The following MDGA2 variants were observed in gnomAD, a reference collection of about 807,000 sequenced individuals.
MDGA2 encodes MAM domain containing glycosylphosphatidylinositol anchor 2, also known as MAM domain-containing glycosylphosphatidylinositol anchor protein 2.
In MDGA2, 40 loss-of-function variants were observed where a neutral mutation model predicts 117.8. That is an observed-to-expected ratio of 0.34 (90% CI 0.26 to 0.44). MDGA2 has a LOEUF of 0.44. Among genes scored for constraint, MDGA2 ranks in the 20% least tolerant of loss-of-function variants. MDGA2 has a pLI of 1.00. For missense variants in MDGA2, 1,123 were observed against 1,250.6 expected (o/e 0.90, Z 1.54); for synonymous variants, 452 against 439.0 (o/e 1.03, Z -0.37).
rs559801735 is a variant in MDGA2, at chr14:47,397,778, T to C, written c.281-96228A>G. Among the ~76,000 whole-genome samples the C allele has an allele frequency of 9.2e-5, 14 of 152,266 alleles. No homozygotes were observed. The East Asian group carries it at 2.1e-3, about 23-fold the overall frequency. ...AGAGATACTTCAGAAAGAAATGCTA[T>C]ATAATTGTATTCTGGATACAAGGAG... On this transcript the variant is annotated intron_variant, in intron 1 of 16. Transcript: ENST00000399232.
chr14:47,176,889 C>G (rs1293770963), intron 3 of MDGA2, among the ~76,000 whole-genome samples: 1 of 152,094 alleles, frequency 6.6e-6, no homozygotes, highest in Non-Finnish European at 1.5e-5. Context: ...AGAAAATTTT[C>G]GCAACCTACT....
intron 5 of MDGA2, among the ~76,000 whole-genome samples, chr14:47,098,999 G>C (rs1880146431): frequency 6.6e-6 from 1 of 151,852 alleles, no homozygotes; most frequent in Admixed American, 6.6e-5. Flanking sequence ...ATACATTTTA[G>C]AACTACCTTC....
chr14:46,985,023 G>A (rs978797791), intron 8 of MDGA2, among the ~76,000 whole-genome samples: 1 of 151,904 alleles, frequency 6.6e-6, no homozygotes, highest in Non-Finnish European at 1.5e-5. Flanking sequence ...ATCTTCAGAA[G>A]AGAATTAGAC....
intron 2 of MDGA2, among the ~76,000 whole-genome samples, chr14:47,235,078 T>C (rs1886815215): frequency 2.0e-5 from 3 of 152,146 alleles, no homozygotes; most frequent in Admixed American, 2.0e-4. Context: ...CAAGCATCAC[T>C]TACAATATTG....
At chr14:47,197,263 T>C (rs1885320858) in intron 3 of MDGA2, among the ~76,000 whole-genome samples, 1 of 152,132 alleles carries the variant, frequency 6.6e-6, no homozygotes, top group South Asian at 2.1e-4. Context: ...TACCTGGAGG[T>C]GGAGCCCTTG....
rs949856828 is a variant in MDGA2 at position 47,438,533 on chromosome 14, G to A, written c.281-136983C>T. Among the ~76,000 whole-genome samples, 7 of 152,214 alleles carry A rather than the reference G, an allele frequency of 4.6e-5. 1 individual carries two copies. Among genetic ancestry groups the A allele is most frequent in the Non-Finnish European group, 7.4e-5 (5 of 68,012 alleles). ...CCTGATCAGGCTCTAAACAGCTCCC[G>A]TTTCTCATATGTGTAAACCAGTATA... On this transcript the variant is annotated intron_variant, in intron 1 of 16. Coordinates refer to ENST00000399232, the MANE Select transcript of MDGA2 (RefSeq NM_001113498.3).
intron 10 of MDGA2, among the ~76,000 whole-genome samples, chr14:46,905,104 A>G (rs1883438280): frequency 6.6e-6 from 1 of 152,188 alleles, no homozygotes; most frequent in South Asian, 2.1e-4. Context: ...TACCTAGATG[A>G]TTATCTTTTA....
At chr14:47,301,997 G>A (rs1450893929) in intron 1 of MDGA2, among the ~76,000 whole-genome samples, 2 of 152,162 alleles carry the variant, frequency 1.3e-5, no homozygotes, top group South Asian at 2.1e-4. Flanking sequence ...CATGTAGCGC[G>A]CAAGTTAATA....
At chr14:47,073,020 T>C (rs1338839826) in intron 6 of MDGA2, among the ~76,000 whole-genome samples, 1 of 152,170 alleles carries the variant, frequency 6.6e-6, no homozygotes, top group Non-Finnish European at 1.5e-5. Context: ...CCTTTCCACA[T>C]GGCCAAAGCT....
chr14:47,245,801 G>C (rs1041051736), intron 2 of MDGA2, among the ~76,000 whole-genome samples: 6 of 151,656 alleles, frequency 4.0e-5, no homozygotes, highest in African/African-American at 1.5e-4. Flanking sequence ...ACTCAAATAG[G>C]AACATCCTAT....
chr14:47,003,683 T>C (rs1230326592), intron 8 of MDGA2, among the ~76,000 whole-genome samples: 1 of 152,084 alleles, frequency 6.6e-6, no homozygotes, highest in Non-Finnish European at 1.5e-5. Flanking sequence ...ATTCTTTACA[T>C]ATTCTAAATT....
intron 1 of MDGA2, among the ~76,000 whole-genome samples, chr14:47,673,938 G>T (rs1285053494): frequency 6.6e-6 from 1 of 151,914 alleles, no homozygotes; most frequent in Non-Finnish European, 1.5e-5. Flanking sequence ...AATTGTGTCT[G>T]GCACCGAGAA....
rs1880614638 is a variant in MDGA2, at chr14:46,841,626, CA to C, written c.*304del. 1.5e-5 allele frequency: 2 copies of C among 134,188 alleles called. No individual in the cohort carries two copies. The highest frequency in any genetic ancestry group is 6.0e-5 in the African/African-American group (2 of 33,594). The allele number at this position is 134,188 out of a possible 1,614,324, so 8.3% of individuals were successfully genotyped here. ...ATAGCTCTTTTTTTTTTCTTTTTTT[CA>C]TTTTTTTTTTTTTTTCCAGAGTTCA... On this transcript the variant is annotated 3_prime_UTR_variant, in exon 17 of 17. Coordinates refer to ENST00000399232, the MANE Select transcript of MDGA2 (RefSeq NM_001113498.3).
chr14:47,163,988 A>C (rs188118608), intron 3 of MDGA2, among the ~76,000 whole-genome samples: 2 of 152,166 alleles, frequency 1.3e-5, no homozygotes, highest in Non-Finnish European at 2.9e-5. Flanking sequence ...TCTCCATGTC[A>C]TCTAGCTCAC....
chr14:47,666,355 G>A (rs1429405750), intron 1 of MDGA2, among the ~76,000 whole-genome samples: 1 of 151,484 alleles, frequency 6.6e-6, no homozygotes, highest in Non-Finnish European at 1.5e-5. Flanking sequence ...GATCTGCTGG[G>A]GACTTAGAGA....
chr14:46,846,644 T>A (rs1880853231), intron 15 of MDGA2, among the ~76,000 whole-genome samples: 1 of 152,178 alleles, frequency 6.6e-6, no homozygotes, highest in East Asian at 1.9e-4. Flanking sequence ...CAAATTTATA[T>A]ATTTTTTATT....
intron 1 of MDGA2, among the ~76,000 whole-genome samples, chr14:47,441,263 G>T (rs1030336326): frequency 4.6e-5 from 7 of 152,048 alleles, no homozygotes; most frequent in South Asian, 2.1e-4. Context: ...GAAACCAAGT[G>T]TGGAGAGCAG....
At chr14:47,614,653 C>T (rs1896916937) in intron 1 of MDGA2, among the ~76,000 whole-genome samples, 1 of 152,174 alleles carries the variant, frequency 6.6e-6, no homozygotes, top group East Asian at 1.9e-4. Flanking sequence ...TTAAAACCCT[C>T]CAGTGGGACA....
chr14:47,363,326 C>T (rs1033153781), intron 1 of MDGA2, among the ~76,000 whole-genome samples: 4 of 152,092 alleles, frequency 2.6e-5, no homozygotes, highest in African/African-American at 9.7e-5. Flanking sequence ...GGCACGATCT[C>T]AGCTCACTGC....
Sources: allele counts gnomAD v4.1 joint callset (sites outside exome capture counted in the v4.1 genomes callset), GRCh38; gene constraint gnomAD v4.1.1; transcripts MANE v1.5; gene names NCBI Gene and HGNC (gene_info 2026-07-23, HGNC 2026-07-21).